The following COA1 variants were observed in gnomAD, a reference collection of about 807,000 sequenced individuals.
COA1 encodes the protein cytochrome c oxidase assembly factor 1, also known as cytochrome c oxidase assembly factor 1 homolog.
In COA1, 13 loss-of-function variants were observed where a neutral mutation model predicts 16.0. That is an observed-to-expected ratio of 0.81 (90% confidence interval 0.53 to 1.29). COA1 has a LOEUF of 1.29. Ranked by LOEUF, COA1 falls within the 50% of genes most tolerant of loss-of-function variation. The probability of loss-of-function intolerance (pLI) is 0.00; values close to 1 mark genes in which losing one functional copy is unlikely to be tolerated. For missense variants in COA1, 179 were observed against 177.0 expected (o/e 1.01, Z -0.06); for synonymous variants, 65 against 65.7 (o/e 0.99, Z 0.05).
At chr7:43,717,723 G>A (rs941407241) in intron 1 of COA1, among the ~76,000 whole-genome samples, 1 of 152,128 alleles carries the variant, frequency 6.6e-6, no homozygotes, top group African/African-American at 2.4e-5. Flanking sequence ...TTGGCTCTAT[G>A]TCCCTATTCA....
chr7:43,676,625 T>C (rs182465878), intron 1 of COA1, among the ~76,000 whole-genome samples: 451 of 152,120 alleles, frequency 3.0e-3, no homozygotes, highest in Middle Eastern at 0.027. Flanking sequence ...ATAGGTAACA[T>C]AATATATAGT....
intron 6 of COA1, among the ~76,000 whole-genome samples, chr7:43,628,990 G>A (rs1463839908): frequency 3.3e-5 from 5 of 152,120 alleles, no homozygotes; most frequent in African/African-American, 4.8e-5. Context: ...TAGTTGTAGC[G>A]AATATTCAGG....
At chr7:43,613,097 A>G (rs1179782326) in intron 6 of COA1, among the ~76,000 whole-genome samples, 4 of 152,190 alleles carry the variant, frequency 2.6e-5, no homozygotes, top group African/African-American at 9.7e-5. Context: ...AAATAGCACA[A>G]AGAAATCTGG....
At chr7:43,657,679 A>T in intron 1 of COA1, among the ~76,000 whole-genome samples, 1 of 150,702 alleles carries the variant, frequency 6.6e-6, no homozygotes. Flanking sequence ...GTTAGTAATA[A>T]GTACTTTAAA....
At chr7:43,664,103 A>AAGAGAGAGAGAGAGAGAGAGAG (rs141990456) in intron 1 of COA1, among the ~76,000 whole-genome samples, 8,908 of 134,658 alleles carry the variant, frequency 0.066, 460 homozygotes, top group South Asian at 0.075. Context: ...TGTCTTTAGA[A>AAGAGAGAGAGAGAGAGAGAGAG]AGAGAGAGAG....
chr7:43,691,365 GAGGGAGGGAGGGAGGAAGGAAGGA>G (rs1274342731), intron 1 of COA1, among the ~76,000 whole-genome samples: 11 of 32,576 alleles, frequency 3.4e-4, no homozygotes, highest in African/African-American at 4.9e-4. Context: ...GGGAGGGAGG[GAGGGAGGGAGGGAGGAAGGAAGGA>G]AGGAAGGAAG....
intron 1 of COA1, among the ~76,000 whole-genome samples, chr7:43,653,319 C>A (rs375995532): frequency 0.14 from 21,092 of 147,602 alleles, 2,009 homozygotes; most frequent in Non-Finnish European, 0.21. Context: ...CTCAAACAAA[C>A]AAAAAAAAAG....
At chr7:43,619,782 TTGTCCATGTGGCA>T in intron 6 of COA1, 3 of 1,587,024 alleles carry the variant, frequency 1.9e-6, no homozygotes, top group Non-Finnish European at 2.6e-6. Flanking sequence ...ATTAGGGGAC[TTGTCCATGTGGCA>T]TGACTCATAG....
At chr7:43,678,992 T>C (rs1439945404) in intron 1 of COA1, among the ~76,000 whole-genome samples, 2 of 152,126 alleles carry the variant, frequency 1.3e-5, no homozygotes, top group African/African-American at 4.8e-5. Flanking sequence ...TATAAGTATC[T>C]TGAGGGCCAG....
intron 1 of COA1, among the ~76,000 whole-genome samples, chr7:43,698,769 G>A (rs2094607497): frequency 6.6e-6 from 1 of 152,154 alleles, no homozygotes; most frequent in African/African-American, 2.4e-5. Context: ...ACTAAGCTAA[G>A]CTAGAATATG....
At chr7:43,659,418 A>G (rs868184911) in intron 1 of COA1, among the ~76,000 whole-genome samples, 1 of 152,168 alleles carries the variant, frequency 6.6e-6, no homozygotes, top group African/African-American at 2.4e-5. Flanking sequence ...TGCTTGAACA[A>G]ATACATTTCA....
intron 1 of COA1, among the ~76,000 whole-genome samples, chr7:43,667,732 A>G (rs904171593): frequency 1.3e-5 from 2 of 152,248 alleles, no homozygotes; most frequent in Non-Finnish European, 1.5e-5. Context: ...ATGTTCACAA[A>G]TATCAAGCAA....
intron 1 of COA1, among the ~76,000 whole-genome samples, chr7:43,661,989 A>G (rs1009849717): frequency 4.6e-5 from 7 of 152,222 alleles, no homozygotes; most frequent in African/African-American, 7.2e-5. Context: ...TGACCAAGGC[A>G]TGGTATTTCA....
intron 1 of COA1, among the ~76,000 whole-genome samples, chr7:43,672,714 G>A (rs2093330149): frequency 6.7e-6 from 1 of 150,148 alleles, no homozygotes; most frequent in Admixed American, 6.7e-5. Context: ...AGGTTGCAGT[G>A]AGCCAAGATC....
chr7:43,647,847 G>T lies in COA1; in HGVS notation c.16-213C>A. On this transcript the variant is annotated intron_variant, in intron 2 of 5. Transcript: ENST00000223336. The stretch of plus-strand genomic sequence containing the variant: ...GGGTGCCCTCTCGAGAGTGGCCCAT[G>T]TCCAGGACCCATGCTGTGGGGGCCC... 5 of 562,352 alleles carry T rather than the reference G, an allele frequency of 8.9e-6. No individual in the cohort carries two copies. In the South Asian group the frequency reaches 1.1e-4, roughly 12 times the overall value. 34.8% of individuals were successfully genotyped at this position (562,352 alleles called of 1,614,324 possible).
rs141430575 is a variant in COA1 at position 43,644,759 on chromosome 7, TAGGCAGGC to T, written c.264+484_264+491del. Reference sequence around the variant, plus strand: ...ATAGATAGATAGATAGATAGATAGATAGGCAGGCAGGCAGGCAGGCAGGCAGGCAGGCA... The same window carrying T: ...ATAGATAGATAGATAGATAGATAGATAGGCAGGCAGGCAGGCAGGCAGGCA... On this transcript the variant is annotated intron_variant, in intron 4 of 5. Coordinates refer to ENST00000223336, the MANE Select transcript of COA1 (RefSeq NM_018224.4). 1.8e-3 allele frequency among the ~76,000 whole-genome samples: 202 copies of T among 114,612 alleles called. 3 individuals are homozygous for T. Among genetic ancestry groups the T allele is most frequent in the African/African-American group, 5.3e-3 (150 of 28,326 alleles). The allele number at this position is 114,612 out of a possible 152,430, so 75.2% of individuals were successfully genotyped here.
At chr7:43,722,275 TAG>T (rs1442402395) in intron 1 of COA1, among the ~76,000 whole-genome samples, 1 of 151,938 alleles carries the variant, frequency 6.6e-6, no homozygotes, top group Admixed American at 6.6e-5. Flanking sequence ...GTATTTTTAG[TAG>T]AGAGATGGGG....
intron 5 of COA1, among the ~76,000 whole-genome samples, chr7:43,640,044 T>A (rs906920488): frequency 3.3e-5 from 5 of 152,158 alleles, no homozygotes; most frequent in African/African-American, 1.2e-4. Flanking sequence ...CAGGGTGAGC[T>A]AGGTGGGGCC....
intron 1 of COA1, among the ~76,000 whole-genome samples, chr7:43,711,804 G>C (rs2131780045): frequency 6.6e-6 from 1 of 152,278 alleles, no homozygotes; most frequent in Admixed American, 6.5e-5. Flanking sequence ...CAGAAAAGGT[G>C]CAGTACAAAT....
Sources: allele counts gnomAD v4.1 joint callset (sites outside exome capture counted in the v4.1 genomes callset), GRCh38; gene constraint gnomAD v4.1.1; transcripts MANE v1.5; gene names NCBI Gene and HGNC (gene_info 2026-07-23, HGNC 2026-07-21).